The following KAT2B variants were observed in gnomAD, a reference collection of about 807,000 sequenced individuals.
KAT2B encodes the protein histone acetyltransferase KAT2B.
Under a neutral mutation model 105.9 loss-of-function variants are expected in KAT2B, and 36 were observed. The ratio of observed to expected loss-of-function variants is 0.34; its 90% CI spans 0.26 to 0.45. The LOEUF (loss-of-function observed/expected upper bound fraction) is 0.45. KAT2B is among the 20% of genes least tolerant of loss of function. The pLI is 1.00. For synonymous variants in KAT2B, 397 were observed against 377.9 expected (o/e 1.05, Z -0.59); for missense variants, 820 against 1,021.6 (o/e 0.80, Z 2.69).
At chr3:20,084,362 C>G (rs1698576641) in intron 2 of KAT2B, among the ~76,000 whole-genome samples, 1 of 152,188 alleles carries the variant, frequency 6.6e-6, no homozygotes, top group Non-Finnish European at 1.5e-5. Flanking sequence ...CCCCCTACCA[C>G]TCCAGACCTG....
intron 3 of KAT2B, among the ~76,000 whole-genome samples, chr3:20,098,698 T>A (rs1258892941): frequency 1.3e-5 from 2 of 152,234 alleles, no homozygotes; most frequent in African/African-American, 4.8e-5. Context: ...TTATTTGTAT[T>A]TAATTTTTAT....
chr3:20,063,582 G>T (rs2125174877), intron 1 of KAT2B, among the ~76,000 whole-genome samples: 2 of 110,652 alleles, frequency 1.8e-5, no homozygotes, highest in Admixed American at 1.4e-4. Flanking sequence ...TTGCTCTGTT[G>T]CCCAGGCTGG....
intron 1 of KAT2B, among the ~76,000 whole-genome samples, chr3:20,049,504 TAGATC>T (rs1314104232): frequency 1.3e-5 from 2 of 152,198 alleles, no homozygotes; most frequent in Admixed American, 1.3e-4. Flanking sequence ...TCTGCCCAAG[TAGATC>T]CTCTTTCCTA....
chr3:20,041,547 AC>A (rs897477085), intron 1 of KAT2B, among the ~76,000 whole-genome samples: 3 of 152,160 alleles, frequency 2.0e-5, no homozygotes, highest in African/African-American at 7.2e-5. Flanking sequence ...CAGTTTAGGC[AC>A]CCTGTCACCT....
chr3:20,045,182 T>C (rs188033316), intron 1 of KAT2B, among the ~76,000 whole-genome samples: 1 of 151,824 alleles, frequency 6.6e-6, no homozygotes, highest in Admixed American at 6.6e-5. Context: ...ACTTGGCTAA[T>C]TTTTGTATTT....
At chr3:20,074,308 T>C (rs1698380803) in intron 2 of KAT2B, among the ~76,000 whole-genome samples, 1 of 152,232 alleles carries the variant, frequency 6.6e-6, no homozygotes, top group Non-Finnish European at 1.5e-5. Context: ...TAGGAGGTTT[T>C]ATAATTTAGG....
At position 20,126,047 on chromosome 3, in the gene KAT2B, A is replaced by G. The variant is rs1699397918; in HGVS notation, c.1556A>G (p.Gln519Arg). The part of the protein sequence containing the change: ...KKILMWLVGL[Q>R]NVFSHQLPRM... ...ATCCTGATGTGGCTGGTTGGCCTAC[A>G]GAACGTTTTCTCCCACCAGCTGCCC... is the stretch of plus-strand genomic sequence containing the variant. Residue 519 changes from glutamine to arginine, a missense_variant, in exon 10 of 18, where the codon CAG becomes CGG. Transcript: ENST00000263754. 6.2e-7 allele frequency: 1 copy of G among 1,614,004 alleles called. No individual in the cohort carries two copies. The highest frequency in any genetic ancestry group is 8.5e-7 in the Non-Finnish European group (1 of 1,180,004).
chr3:20,143,097 G>C (rs1393720130), intron 13 of KAT2B, among the ~76,000 whole-genome samples: 1 of 152,046 alleles, frequency 6.6e-6, no homozygotes, highest in Non-Finnish European at 1.5e-5. Flanking sequence ...TGGAGATGGG[G>C]AACTACTCCA....
Position 20,154,089 on chromosome 3 carries a change from G to A in KAT2B, c.*1564G>A, listed in dbSNP as rs1016176597. The A allele has an allele frequency of 6.6e-6, 1 of 152,574 alleles. No individual in the cohort carries two copies. Among genetic ancestry groups the A allele is most frequent in the Admixed American group, 6.5e-5 (1 of 15,268 alleles). The allele number at this position is 152,574 out of a possible 1,614,324, so 9.5% of individuals were successfully genotyped here. ...AGTTTGGATTAAGTATCTTGGACTG[G>A]TTTTAAACAGTGCTTTGTACCGGAT... On this transcript the variant is annotated 3_prime_UTR_variant, in exon 18 of 18. Transcript: ENST00000263754.
intron 1 of KAT2B, among the ~76,000 whole-genome samples, chr3:20,062,587 G>C (rs199564445): frequency 1.3e-5 from 2 of 150,364 alleles, no homozygotes; most frequent in East Asian, 3.9e-4. Context: ...TCAGCTTCCC[G>C]AGTAGCTGGG....
At chr3:20,142,455 C>T (rs1421498858) in intron 13 of KAT2B, among the ~76,000 whole-genome samples, 1 of 152,098 alleles carries the variant, frequency 6.6e-6, no homozygotes, top group Non-Finnish European at 1.5e-5. Flanking sequence ...CTGTGAAAAA[C>T]CCCTCAAGGA....
At chr3:20,142,875 A>ATATATATATATAATTGGGGTATG (rs1386811175) in intron 13 of KAT2B, among the ~76,000 whole-genome samples, 1 of 150,884 alleles carries the variant, frequency 6.6e-6, no homozygotes, top group Non-Finnish European at 1.5e-5. Flanking sequence ...ATAATTGGGT[A>ATATATATATATAATTGGGGTATG]TCTATGTGCC....
At chr3:20,117,321 C>G (rs558387061) in intron 7 of KAT2B, among the ~76,000 whole-genome samples, 1 of 152,298 alleles carries the variant, frequency 6.6e-6, no homozygotes, top group Admixed American at 6.5e-5. Flanking sequence ...TCTTGTTCTA[C>G]TGTAATTGCA....
intron 1 of KAT2B, among the ~76,000 whole-genome samples, chr3:20,069,523 TCTTTTC>T (rs1215815185): frequency 2.0e-5 from 3 of 148,024 alleles, no homozygotes; most frequent in Non-Finnish European, 3.0e-5. Flanking sequence ...TCTTTTCTTT[TCTTTTC>T]TTTTTTTTTT....
chr3:20,047,232 G>T (rs529384151), intron 1 of KAT2B, among the ~76,000 whole-genome samples: 1 of 151,860 alleles, frequency 6.6e-6, no homozygotes, highest in South Asian at 2.1e-4. Flanking sequence ...GCTAATTTTT[G>T]TATTTTTTAT....
intron 2 of KAT2B, 86 bp downstream of exon 2, chr3:20,072,545 A>G: frequency 7.7e-7 from 1 of 1,302,596 alleles, no homozygotes; most frequent in Non-Finnish European, 1.1e-6. Flanking sequence ...GGTTCACCAA[A>G]TTTGAATGCT....
At chr3:20,117,358 G>A (rs1217982595) in intron 7 of KAT2B, among the ~76,000 whole-genome samples, 1 of 152,190 alleles carries the variant, frequency 6.6e-6, no homozygotes, top group Non-Finnish European at 1.5e-5. Context: ...GAACAGAAGA[G>A]TGTAATCATC....
In KAT2B at chr3:20,040,561, G is replaced by A; in HGVS notation, c.84G>A (p.Gln28=). 9.3e-7 allele frequency: 1 copy of A among 1,077,890 alleles called. No individual in the cohort carries two copies. Among genetic ancestry groups the A allele is most frequent in the Non-Finnish European group, 1.1e-6 (1 of 890,320 alleles). 66.8% of individuals were successfully genotyped at this position (1,077,890 alleles called of 1,614,324 possible). The change falls in exon 1 of 18, where the codon CAG becomes CAA. Residue 28 remains glutamine (Q), a synonymous_variant. Transcript: ENST00000263754. ...CCGGGCCCGGGGCGCTGCCCCCGCA[G>A]CCTGCGGCGCTTCCGCCCGCGCCCC... ...AGAGPGALPP[Q]PAALPPAPPQ...
intron 1 of KAT2B, among the ~76,000 whole-genome samples, chr3:20,063,596 G>A (rs1698176239): frequency 1.6e-5 from 2 of 124,818 alleles, no homozygotes; most frequent in African/African-American, 6.0e-5. Flanking sequence ...AGGCTGGAAT[G>A]TAGTGGCACA....
Sources: allele counts gnomAD v4.1 joint callset (sites outside exome capture counted in the v4.1 genomes callset), GRCh38; gene constraint gnomAD v4.1.1; transcripts MANE v1.5; gene names NCBI Gene and HGNC (gene_info 2026-07-23, HGNC 2026-07-21).